Variants in DPY19L1 observed in about 807,000 individuals in gnomAD.
The protein encoded by DPY19L1 is dpy-19 like C-mannosyltransferase 1.
A neutral mutation model predicts 96.9 loss-of-function variants in DPY19L1; 35 were observed. That is an observed-to-expected ratio of 0.36 (90% CI 0.28 to 0.48). The LOEUF is 0.48. DPY19L1 is among the 20% of genes least tolerant of loss of function. The probability of loss-of-function intolerance (pLI) is 0.99; values close to 1 mark genes in which losing one functional copy is unlikely to be tolerated. For synonymous variants in DPY19L1, 205 were observed against 252.6 expected (o/e 0.81, Z 1.79); for missense variants, 521 against 777.9 (o/e 0.67, Z 3.93).
chr7:34,959,846 C>T (rs1784454483), intron 10 of DPY19L1, among the ~76,000 whole-genome samples: 1 of 146,860 alleles, frequency 6.8e-6, no homozygotes, highest in Non-Finnish European at 1.5e-5. Context: ...ACATATACTC[C>T]AGAACTTAAA....
intron 1 of DPY19L1, among the ~76,000 whole-genome samples, chr7:35,023,833 C>CTTTTTTTTTTTT (rs755619806): frequency 1.2e-4 from 13 of 111,806 alleles, no homozygotes; most frequent in South Asian, 5.9e-4. Flanking sequence ...CTTTTCTTTT[C>CTTTTTTTTTTTT]TTTTTTTTTT....
rs62461953 is a variant in DPY19L1 at position 34,972,177 on chromosome 7, C to G, written c.914+1337G>C. On this transcript the variant is annotated intron_variant, in intron 8 of 21. Transcript: ENST00000638088. ...AGACAGCCTCTAGAAGCTAGAAAAG[C>G]CAAGAAAATTGATTCTCTCCCCTCC... Among the ~76,000 whole-genome samples, 987 of 152,118 alleles carry G rather than the reference C, an allele frequency of 6.5e-3. 4 individuals carry two copies. The highest frequency in any genetic ancestry group is 0.011 in the Non-Finnish European group (750 of 67,922).
At chr7:34,938,159 A>G (rs1319082527) in intron 20 of DPY19L1, 40 bp from the exon 21 acceptor site, 1 of 1,584,002 alleles carries the variant, frequency 6.3e-7, no homozygotes, top group Non-Finnish European at 8.6e-7. Context: ...TTTCAAGACT[A>G]AAACGATACA....
At chr7:35,027,845 T>A (rs1324178246) in intron 1 of DPY19L1, among the ~76,000 whole-genome samples, 2 of 151,484 alleles carry the variant, frequency 1.3e-5, no homozygotes, top group East Asian at 3.9e-4. Context: ...TCTCAAAAAA[T>A]AAATAAATAA....
intron 1 of DPY19L1, among the ~76,000 whole-genome samples, chr7:35,019,379 C>A (rs1785935816): frequency 6.6e-6 from 1 of 152,142 alleles, no homozygotes; most frequent in African/African-American, 2.4e-5. Context: ...TTCAAGGCTG[C>A]AGCAGTGTGC....
intron 7 of DPY19L1, among the ~76,000 whole-genome samples, chr7:34,975,496 G>A (rs1240416283): frequency 2.0e-5 from 3 of 152,174 alleles, no homozygotes; most frequent in South Asian, 2.1e-4. Flanking sequence ...AGCCATCTCC[G>A]TAAGATAAAA....
At chr7:35,028,278 G>A (rs1192632704) in intron 1 of DPY19L1, among the ~76,000 whole-genome samples, 1 of 152,184 alleles carries the variant, frequency 6.6e-6, no homozygotes, top group Non-Finnish European at 1.5e-5. Context: ...AGGAGGAAAT[G>A]CCTTAGAAAT....
chr7:35,016,674 G>A (rs1425117429), intron 3 of DPY19L1, among the ~76,000 whole-genome samples: 1 of 152,216 alleles, frequency 6.6e-6, no homozygotes, highest in Non-Finnish European at 1.5e-5. Flanking sequence ...CACAGAAAGT[G>A]AGACAACCAG....
At chr7:35,013,187 A>C (rs1239174761) in intron 4 of DPY19L1, among the ~76,000 whole-genome samples, 1 of 152,186 alleles carries the variant, frequency 6.6e-6, no homozygotes, top group Admixed American at 6.5e-5. Flanking sequence ...TGTCATCTCC[A>C]CTTGCTGGAT....
At chr7:34,991,560 T>G (rs1353267981) in intron 6 of DPY19L1, among the ~76,000 whole-genome samples, 3 of 152,142 alleles carry the variant, frequency 2.0e-5, no homozygotes, top group Non-Finnish European at 4.4e-5. Flanking sequence ...TCACAAGTGA[T>G]TAGACATTAG....
At chr7:34,986,372 G>A (rs1309766268) in intron 7 of DPY19L1, among the ~76,000 whole-genome samples, 1 of 151,982 alleles carries the variant, frequency 6.6e-6, no homozygotes, top group Non-Finnish European at 1.5e-5. Context: ...TTTCTACAAT[G>A]TATACATAAA....
intron 6 of DPY19L1, among the ~76,000 whole-genome samples, chr7:34,998,170 G>A (rs1263849618): frequency 1.3e-5 from 2 of 152,194 alleles, no homozygotes; most frequent in Non-Finnish European, 2.9e-5. Context: ...ATTGTCCTCT[G>A]ACTAGCTGGT....
In DPY19L1 at chr7:35,017,972, G is replaced by A; in HGVS notation, c.324-3C>T. The A allele has an allele frequency of 1.9e-6, 3 of 1,591,914 alleles. No homozygotes were observed. Among genetic ancestry groups the A allele is most frequent in the Non-Finnish European group, 2.6e-6 (3 of 1,168,086 alleles). On this transcript the variant is annotated splice_polypyrimidine_tract_variant and splice_region_variant and intron_variant, in intron 2 of 21. Coordinates refer to ENST00000638088, the MANE Select transcript of DPY19L1 (RefSeq NM_001366673.1). ...CAAAGAGGTGTGTTATATGGCTCCT[G>A]GAAAAACAAAACAAAGCAATAGTGT...
intron 6 of DPY19L1, among the ~76,000 whole-genome samples, chr7:34,990,514 C>A (rs1272212913): frequency 1.3e-5 from 2 of 152,176 alleles, no homozygotes; most frequent in Non-Finnish European, 2.9e-5. Flanking sequence ...TGAGGAATAC[C>A]AATTTATAAA....
At chr7:34,939,053 G>C in intron 20 of DPY19L1, 1 of 428,012 alleles carries the variant, frequency 2.3e-6, no homozygotes, top group Non-Finnish European at 4.1e-6. Context: ...TTATATGCCT[G>C]GTAGAGAAGA....
intron 7 of DPY19L1, among the ~76,000 whole-genome samples, chr7:34,983,403 ATATT>A (rs989534539): frequency 2.6e-5 from 4 of 152,132 alleles, no homozygotes; most frequent in African/African-American, 9.7e-5. Flanking sequence ...GTATAGAAAA[ATATT>A]AGTGAGATGA....
intron 16 of DPY19L1, 52 bp downstream of exon 16, chr7:34,945,611 ATATC>A (rs1407041199): frequency 8.3e-7 from 1 of 1,201,158 alleles, no homozygotes; most frequent in East Asian, 2.4e-5. Context: ...TACACTGTAA[ATATC>A]TATTTAATAA....
At chr7:35,005,856 G>A (rs1422181122) in intron 6 of DPY19L1, among the ~76,000 whole-genome samples, 2 of 151,774 alleles carry the variant, frequency 1.3e-5, no homozygotes, top group Admixed American at 1.3e-4. Context: ...TGAGAGAGAA[G>A]GTAAGGGATG....
upstream of DPY19L1, chr7:35,038,030 G>C: frequency 3.0e-6 from 2 of 677,530 alleles, no homozygotes; most frequent in Non-Finnish European, 4.1e-6. Flanking sequence ...CGCCCGGAGC[G>C]GCCACTTAGG....
Sources: allele counts gnomAD v4.1 joint callset (sites outside exome capture counted in the v4.1 genomes callset), GRCh38; gene constraint gnomAD v4.1.1; transcripts MANE v1.5; gene names NCBI Gene and HGNC (gene_info 2026-07-23, HGNC 2026-07-21).